Variants in GDA observed in about 807,000 individuals in gnomAD.
GDA encodes cytoplasmic PSD-95 interactor.
Under a neutral mutation model 59.6 loss-of-function variants are expected in GDA, and 18 were observed. That is an observed-to-expected ratio of 0.30 (90% confidence interval 0.21 to 0.45). The LOEUF is 0.45. GDA is among the 20% of genes least tolerant of loss of function. GDA has a pLI of 1.00. For synonymous variants in GDA, 201 were observed against 201.1 expected (o/e 1.00, Z 0.00); for missense variants, 427 against 552.3 (o/e 0.77, Z 2.27).
At position 72,199,435 on chromosome 9, in the gene GDA, A is replaced by C. The variant is rs573413102; in HGVS notation, c.213-3136A>C. ...CCTTGCGCTTCTGTTGCCTCTGAAG[A>C]CTTTGTACTCTGAATCATCTTTCAC... On this transcript the variant is annotated intron_variant, in intron 2 of 13. Coordinates refer to ENST00000358399, the MANE Select transcript of GDA (RefSeq NM_004293.5). Among the ~76,000 whole-genome samples the C allele has an allele frequency of 5.3e-5, 8 of 152,330 alleles. No homozygotes were observed. The East Asian group carries it at 1.5e-3, about 29-fold the overall frequency.
rs1378702389 is a variant in GDA at position 72,137,269 on chromosome 9, G to A, written c.-100+22436G>A. ...TTTTTTTTTTTTTTTTTTTTGAGAC[G>A]GAGTCTCACTCTGTCTGCCCAGGCT... is the stretch of plus-strand genomic sequence containing the variant. On this transcript the variant is annotated intron_variant, in intron 1 of 13. Transcript: ENST00000545168. Among the ~76,000 whole-genome samples the A allele has an allele frequency of 2.3e-4, 23 of 99,366 alleles. No individual in the cohort carries two copies. In the South Asian group the frequency reaches 5.5e-3, roughly 24 times the overall value. The allele number at this position is 99,366 out of a possible 152,430, so 65.2% of individuals were successfully genotyped here. A position where few individuals can be genotyped will look rare whatever the true frequency, so the allele number is the denominator to read the frequency against.
At chr9:72,116,617 C>G (rs1304006679) in intron 1 of GDA, among the ~76,000 whole-genome samples, 1 of 152,000 alleles carries the variant, frequency 6.6e-6, no homozygotes, top group Admixed American at 6.6e-5. Context: ...CATCTCTTGA[C>G]CTCGTGATCC....
chr9:72,194,517 C>T (rs543756697), intron 1 of GDA, among the ~76,000 whole-genome samples: 2 of 152,248 alleles, frequency 1.3e-5, no homozygotes, highest in African/African-American at 4.8e-5. Flanking sequence ...CCTTCCCTCT[C>T]CTCTCCTCGA....
intron 1 of GDA, among the ~76,000 whole-genome samples, chr9:72,127,053 T>C (rs1340504085): frequency 6.6e-6 from 1 of 151,912 alleles, no homozygotes; most frequent in Admixed American, 6.6e-5. Flanking sequence ...TGCTCCAAAC[T>C]TACCATCTAT....
intron 1 of GDA, among the ~76,000 whole-genome samples, chr9:72,138,641 A>C (rs907195968): frequency 6.6e-6 from 1 of 152,242 alleles, no homozygotes; most frequent in Admixed American, 6.5e-5. Flanking sequence ...TGGAGTATGC[A>C]GGAGTTGAAG....
At chr9:72,244,800 G>A (rs891695006) in intron 11 of GDA, among the ~76,000 whole-genome samples, 2 of 152,082 alleles carry the variant, frequency 1.3e-5, no homozygotes, top group African/African-American at 4.8e-5. Context: ...AAGAATAAAG[G>A]TATTATGTTA....
chr9:72,199,216 C>T (rs1833622142), intron 2 of GDA, among the ~76,000 whole-genome samples: 2 of 152,168 alleles, frequency 1.3e-5, no homozygotes, highest in African/African-American at 4.8e-5. Flanking sequence ...CAGGTGGGCT[C>T]ACTGACCTCT....
chr9:72,233,085 A>C (rs1255727351), intron 10 of GDA, among the ~76,000 whole-genome samples: 1 of 151,970 alleles, frequency 6.6e-6, no homozygotes, highest in African/African-American at 2.4e-5. Flanking sequence ...GTCACCCTCT[A>C]CTCTACTATT....
At chr9:72,234,632 C>T (rs756975045) in intron 10 of GDA, among the ~76,000 whole-genome samples, 1 of 152,102 alleles carries the variant, frequency 6.6e-6, no homozygotes, top group Non-Finnish European at 1.5e-5. Flanking sequence ...GGGACAGATG[C>T]AATAGTCAGA....
intron 1 of GDA, among the ~76,000 whole-genome samples, chr9:72,175,445 T>C (rs147509487): frequency 6.6e-6 from 1 of 152,298 alleles, no homozygotes; most frequent in East Asian, 1.9e-4. Flanking sequence ...GAGAACATGT[T>C]CAGGAATAAG....
Position 72,248,681 on chromosome 9 carries a change from G to T in GDA, c.*339G>T. 1.9e-6 allele frequency: 2 copies of T among 1,032,672 alleles called. No homozygotes were observed. The highest frequency in any genetic ancestry group is 1.7e-5 in the African/African-American group (1 of 58,886). 64.0% of individuals were successfully genotyped at this position (1,032,672 alleles called of 1,614,324 possible). On this transcript the variant is annotated 3_prime_UTR_variant, in exon 14 of 14. Transcript: ENST00000358399. ...CATATTTGAAAATGTGGAAAGAAAA[G>T]ATGTTCCTAAAAGGTTAGATATTTT...
At chr9:72,156,526 T>A (rs1455039576) in intron 1 of GDA, among the ~76,000 whole-genome samples, 1 of 152,244 alleles carries the variant, frequency 6.6e-6, no homozygotes, top group East Asian at 1.9e-4. Flanking sequence ...ATCAGAAAGA[T>A]GCTTTCACTC....
In GDA at chr9:72,220,472, C is replaced by T. The variant is rs139213944; in HGVS notation, c.606+966C>T. ...TACATGCAACAGAAAAACTAAATTT[C>T]GTCAGGCAGGTAAACTTCGTCTTAA... is the stretch of plus-strand genomic sequence containing the variant. On this transcript the variant is annotated intron_variant, in intron 6 of 13. Coordinates refer to ENST00000358399, the MANE Select transcript of GDA (RefSeq NM_004293.5). 6.9e-3 allele frequency among the ~76,000 whole-genome samples: 1,050 copies of T among 152,216 alleles called. 14 individuals carry two copies. Among genetic ancestry groups the T allele is most frequent in the African/African-American group, 0.024 (1,007 of 41,532 alleles).
intron 6 of GDA, among the ~76,000 whole-genome samples, chr9:72,221,060 T>G (rs1836789662): frequency 6.6e-6 from 1 of 152,206 alleles, no homozygotes; most frequent in African/African-American, 2.4e-5. Context: ...TTGGGAGATT[T>G]AGATGAAACT....
Position 72,168,018 on chromosome 9 carries a change from G to T in GDA, c.123+18336G>T, listed in dbSNP as rs568911586. 7.2e-5 allele frequency among the ~76,000 whole-genome samples: 11 copies of T among 152,270 alleles called. No homozygotes were observed. The South Asian group carries it at 1.0e-3, about 14-fold the overall frequency. On this transcript the variant is annotated intron_variant, in intron 1 of 13. Coordinates refer to ENST00000358399, the MANE Select transcript of GDA (RefSeq NM_004293.5). ...GGTCTTACTCACATCATTCCCTAGT[G>T]CTGGGGTACATCACCTGGGAGATAG...
Position 72,214,144 on chromosome 9 carries a change from G to A in GDA, c.578+153G>A, listed in dbSNP as rs1004684373. Among the ~76,000 whole-genome samples the A allele has an allele frequency of 2.6e-5, 4 of 152,110 alleles. No homozygotes were observed. The South Asian group carries it at 6.2e-4, about 24-fold the overall frequency. On this transcript the variant is annotated intron_variant, in intron 5 of 13. Transcript: ENST00000358399. Reference sequence around the variant, plus strand: ...AATGTTCTGTTTAATGCAATGGGTCGGTTAGTCTACAGTGAATTTGATCAA... The same window carrying A: ...AATGTTCTGTTTAATGCAATGGGTCAGTTAGTCTACAGTGAATTTGATCAA...
chr9:72,249,570 T>C lies in GDA; in HGVS notation c.*1228T>C, dbSNP rs549794510. 2.3e-4 allele frequency: 141 copies of C among 621,072 alleles called. No individual in the cohort carries two copies. The African/African-American group carries it at 2.6e-3, about 11-fold the overall frequency. 38.5% of individuals were successfully genotyped at this position (621,072 alleles called of 1,614,324 possible). On this transcript the variant is annotated 3_prime_UTR_variant, in exon 14 of 14. Transcript: ENST00000358399. ...AATTCTTACTAGACATCTAGGAACA[T>C]TACAAAGCAAAGACTATTTTTATGC...
chr9:72,234,403 A>T (rs755686935), intron 10 of GDA, among the ~76,000 whole-genome samples: 1 of 152,256 alleles, frequency 6.6e-6, no homozygotes. Context: ...TATATGTATT[A>T]TGATATTTTA....
At chr9:72,206,086 T>A (rs1834658164) in intron 3 of GDA, among the ~76,000 whole-genome samples, 1 of 152,236 alleles carries the variant, frequency 6.6e-6, no homozygotes, top group Non-Finnish European at 1.5e-5. Context: ...TTAGTAAATG[T>A]AATGTGTCAT....
Sources: gnomAD v4.1 joint callset for allele counts (sites outside exome capture counted in the v4.1 genomes callset) on GRCh38, gnomAD v4.1.1 for gene constraint, MANE v1.5 for transcripts, NCBI Gene and HGNC (gene_info 2026-07-23, HGNC 2026-07-21) for gene names.